AP1S3: variants seen among roughly 807,000 people sequenced by gnomAD.
AP1S3 encodes the protein adaptor related protein complex 1 subunit sigma 3.
Under a neutral mutation model 20.9 loss-of-function variants are expected in AP1S3, and 10 were observed. The ratio of observed to expected loss-of-function variants is 0.48; its 90% confidence interval spans 0.29 to 0.81. The LOEUF (loss-of-function observed/expected upper bound fraction) is 0.81, where lower values mean the gene tolerates loss of function less well. Ranked by LOEUF, AP1S3 falls within the 30% of genes least tolerant of loss-of-function variation. The probability of loss-of-function intolerance (pLI) is 0.08; values close to 1 mark genes in which losing one functional copy is unlikely to be tolerated. For synonymous variants in AP1S3, 41 were observed against 61.5 expected, an observed-to-expected ratio of 0.67 and a Z score of 1.56; for missense variants, 154 against 183.8, an observed-to-expected ratio of 0.84 and a Z score of 0.94.
At chr2:223,774,246 A>C (rs9798299) in intron 3 of AP1S3, among the ~76,000 whole-genome samples, 2 of 151,440 alleles carry the variant, frequency 1.3e-5, no homozygotes, top group Non-Finnish European at 2.9e-5. Flanking sequence ...GGGCCCGTAA[A>C]CCTAGCTACT....
chr2:223,822,647 G>A (rs1692017945), intron 1 of AP1S3, among the ~76,000 whole-genome samples: 1 of 152,030 alleles, frequency 6.6e-6, no homozygotes, highest in Admixed American at 6.6e-5. Flanking sequence ...TCGCGCCATT[G>A]CACTCCAGCC....
chr2:223,821,359 G>A (rs886635211), intron 1 of AP1S3, among the ~76,000 whole-genome samples: 1 of 151,778 alleles, frequency 6.6e-6, no homozygotes, highest in Non-Finnish European at 1.5e-5. Flanking sequence ...GTTTCACTAT[G>A]TTGGCCAGGC....
At chr2:223,796,269 G>A (rs2106107144) in intron 1 of AP1S3, among the ~76,000 whole-genome samples, 1 of 152,254 alleles carries the variant, frequency 6.6e-6, no homozygotes. Context: ...AACAATCTCT[G>A]CTTCCCCATT....
intron 1 of AP1S3, among the ~76,000 whole-genome samples, chr2:223,826,722 C>A (rs898883478): frequency 6.6e-6 from 1 of 152,054 alleles, no homozygotes; most frequent in South Asian, 2.1e-4. Flanking sequence ...GGCACAATCT[C>A]GGCTCACTGC....
intron 1 of AP1S3, among the ~76,000 whole-genome samples, chr2:223,808,124 A>C (rs1691630790): frequency 1.3e-5 from 2 of 152,052 alleles, no homozygotes; most frequent in African/African-American, 4.8e-5. Context: ...TCTTTATAGC[A>C]GTACAAAAAT....
chr2:223,784,332 A>C (rs2106097059), intron 1 of AP1S3, among the ~76,000 whole-genome samples: 1 of 152,182 alleles, frequency 6.6e-6, no homozygotes, highest in East Asian at 1.9e-4. Flanking sequence ...GACTCTGAGG[A>C]GAGGATAAAA....
intron 3 of AP1S3, among the ~76,000 whole-genome samples, chr2:223,775,141 T>A (rs1034041220): frequency 6.6e-6 from 1 of 152,202 alleles, no homozygotes; most frequent in South Asian, 2.1e-4. Flanking sequence ...ATCGCTGGTG[T>A]CAACCCGCAG....
At chr2:223,813,882 C>T (rs1054289340) in intron 1 of AP1S3, among the ~76,000 whole-genome samples, 1 of 152,154 alleles carries the variant, frequency 6.6e-6, no homozygotes, top group Admixed American at 6.6e-5. Flanking sequence ...AAGACAGAGA[C>T]GTCCTTTATA....
intron 4 of AP1S3, among the ~76,000 whole-genome samples, chr2:223,761,079 C>A (rs1430840528): frequency 6.6e-6 from 1 of 152,164 alleles, no homozygotes; most frequent in Non-Finnish European, 1.5e-5. Context: ...GCTGGTTACT[C>A]AAGCTATGTA....
chr2:223,813,337 C>A (rs1227632862), intron 1 of AP1S3, among the ~76,000 whole-genome samples: 4 of 152,118 alleles, frequency 2.6e-5, no homozygotes. Flanking sequence ...TGGTGTTCAG[C>A]CTCTCCGTGA....
At chr2:223,792,128 C>A (rs1192363628) in intron 1 of AP1S3, among the ~76,000 whole-genome samples, 1 of 152,130 alleles carries the variant, frequency 6.6e-6, no homozygotes. Flanking sequence ...TGACATTATT[C>A]ACAGAATTAG....
At chr2:223,802,920 A>G (rs1031866838) in intron 1 of AP1S3, among the ~76,000 whole-genome samples, 1 of 152,228 alleles carries the variant, frequency 6.6e-6, no homozygotes, top group East Asian at 1.9e-4. Context: ...ATAAATCAAT[A>G]TATGGTAGAA....
chr2:223,808,245 G>A (rs982846596), intron 1 of AP1S3, among the ~76,000 whole-genome samples: 8 of 152,140 alleles, frequency 5.3e-5, no homozygotes, highest in South Asian at 2.1e-4. Context: ...AAGGTTCAAC[G>A]AGAACCCTAT....
In AP1S3 at chr2:223,777,665, T is replaced by C. The variant is rs202210407; in HGVS notation, c.182+26A>G. On this transcript the variant is annotated intron_variant, in intron 2 of 4. Coordinates refer to ENST00000396654, the MANE Select transcript of AP1S3 (RefSeq NM_001039569.2). ...AACAAACCAAAGTAAGACTGAGAAA[T>C]TGAGCTCTCAAAAAGTTACTCACAC... 1.7e-3 allele frequency: 2,667 copies of C among 1,600,586 alleles called. 3 individuals carry two copies. Among genetic ancestry groups the C allele is most frequent in the Non-Finnish European group, 2.1e-3 (2,468 of 1,173,154 alleles).
intron 1 of AP1S3, among the ~76,000 whole-genome samples, chr2:223,780,345 AGAGAGAGAGAGAGTGT>A (rs1215226828): frequency 4.0e-4 from 42 of 105,782 alleles, no homozygotes; most frequent in East Asian, 3.5e-3. Context: ...AGAGAGAGAG[AGAGAGAGAGAGAGTGT>A]GTGTGTGTGT....
intron 4 of AP1S3, among the ~76,000 whole-genome samples, chr2:223,762,191 T>C (rs1288561507): frequency 6.6e-6 from 1 of 151,692 alleles, no homozygotes; most frequent in African/African-American, 2.4e-5. Context: ...CAGGCTGGTC[T>C]TGAACACCTG....
In AP1S3 at chr2:223,801,740, G is replaced by A. The variant is rs142248001; in HGVS notation, c.4-23871C>T. ...ATTACAGGCGTGAGCCACTGCACCC[G>A]GCCCATGAGAGAGTAACACTTAAAG... On this transcript the variant is annotated intron_variant, in intron 1 of 4. Coordinates refer to ENST00000396654, the MANE Select transcript of AP1S3 (RefSeq NM_001039569.2). 6.8e-3 allele frequency among the ~76,000 whole-genome samples: 1,027 copies of A among 152,122 alleles called. 25 individuals are homozygous for A. Among genetic ancestry groups the A allele is most frequent in the East Asian group, 0.034 (174 of 5,154 alleles).
At chr2:223,761,186 T>G (rs1690344770) in intron 4 of AP1S3, among the ~76,000 whole-genome samples, 1 of 152,246 alleles carries the variant, frequency 6.6e-6, no homozygotes, top group Non-Finnish European at 1.5e-5. Context: ...GCTCTTACCT[T>G]CTCAAGACAG....
chr2:223,802,252 C>T (rs971888287), intron 1 of AP1S3, among the ~76,000 whole-genome samples: 1 of 151,694 alleles, frequency 6.6e-6, no homozygotes, highest in South Asian at 2.1e-4. Flanking sequence ...GAGGAAGGTA[C>T]AGTCACTATC....
Sources: gnomAD v4.1 joint callset for allele counts (sites outside exome capture counted in the v4.1 genomes callset) on GRCh38, gnomAD v4.1.1 for gene constraint, MANE v1.5 for transcripts, NCBI Gene and HGNC (gene_info 2026-07-23, HGNC 2026-07-21) for gene names.